The following DCDC2C variants were observed in gnomAD, a reference collection of about 807,000 sequenced individuals.
The protein encoded by DCDC2C is doublecortin domain containing 2C.
Under a neutral mutation model 45.0 loss-of-function variants are expected in DCDC2C, and 44 were observed. The observed-to-expected ratio is 0.98, with a 90% CI of 0.77 to 1.26. The LOEUF is 1.26. DCDC2C is among the 50% of genes most tolerant of loss of function. The pLI is 0.00. For synonymous variants in DCDC2C, 187 were observed against 178.8 expected (o/e 1.05, Z -0.37); for missense variants, 447 against 468.9 (o/e 0.95, Z 0.43).
intron 2 of DCDC2C, among the ~76,000 whole-genome samples, chr2:3,721,607 T>C (rs2148062863): frequency 6.6e-6 from 1 of 152,290 alleles, no homozygotes; most frequent in East Asian, 1.9e-4. Context: ...TTTTGCTATG[T>C]CCCCACCCAA....
At chr2:3,800,971 C>G (rs918873367) in intron 10 of DCDC2C, among the ~76,000 whole-genome samples, 6 of 152,170 alleles carry the variant, frequency 3.9e-5, no homozygotes, top group African/African-American at 1.2e-4. Flanking sequence ...TTTGACCTCA[C>G]TGACCCCTGG....
At chr2:3,771,108 C>A (rs376998464) in intron 8 of DCDC2C, among the ~76,000 whole-genome samples, 1 of 152,228 alleles carries the variant, frequency 6.6e-6, no homozygotes. Flanking sequence ...GATAGGAAGA[C>A]CCCCTGAGGG....
At chr2:3,781,020 T>C (rs1053738125) in intron 9 of DCDC2C, among the ~76,000 whole-genome samples, 1 of 152,238 alleles carries the variant, frequency 6.6e-6, no homozygotes, top group African/African-American at 2.4e-5. Flanking sequence ...GTGGCTCAAG[T>C]GTTTCAGTTC....
intron 9 of DCDC2C, among the ~76,000 whole-genome samples, chr2:3,782,249 G>T (rs1369985742): frequency 6.6e-6 from 1 of 152,050 alleles, no homozygotes; most frequent in Non-Finnish European, 1.5e-5. Flanking sequence ...CACAGCTCAG[G>T]GTGCATTCAT....
At chr2:3,722,342 G>A (rs1668524862) in intron 2 of DCDC2C, among the ~76,000 whole-genome samples, 1 of 152,214 alleles carries the variant, frequency 6.6e-6, no homozygotes, top group African/African-American at 2.4e-5. Flanking sequence ...CTTAATAGCT[G>A]TATGTTGTTG....
intron 2 of DCDC2C, among the ~76,000 whole-genome samples, chr2:3,715,004 A>C (rs998767086): frequency 6.6e-6 from 1 of 152,254 alleles, no homozygotes; most frequent in African/African-American, 2.4e-5. Context: ...TCATAATCCT[A>C]TCATTCAGAG....
At chr2:3,755,825 T>A (rs1202458734) in intron 6 of DCDC2C, among the ~76,000 whole-genome samples, 1 of 152,112 alleles carries the variant, frequency 6.6e-6, no homozygotes, top group South Asian at 2.1e-4. Flanking sequence ...CATGTGTGCA[T>A]GAGTACATAT....
At chr2:3,720,056 A>G (rs561469686) in intron 2 of DCDC2C, among the ~76,000 whole-genome samples, 86 of 152,110 alleles carry the variant, frequency 5.7e-4, no homozygotes, top group Non-Finnish European at 9.9e-4. Flanking sequence ...CACCTGAAGG[A>G]TGGTGGGCTC....
chr2:3,762,220 A>G (rs549281528), intron 6 of DCDC2C, among the ~76,000 whole-genome samples: 1 of 144,028 alleles, frequency 6.9e-6, no homozygotes, highest in South Asian at 2.2e-4. Context: ...GACAAAAGCC[A>G]CCTGGAGTGC....
chr2:3,768,973 G>A (rs1670087828), intron 7 of DCDC2C: 3 of 215,218 alleles, frequency 1.4e-5, no homozygotes, highest in African/African-American at 6.7e-5. Context: ...CCAAGGCTTG[G>A]TGGACACAGG....
Position 3,804,873 on chromosome 2 carries a change from T to C in DCDC2C, c.1065+19773T>C, listed in dbSNP as rs1395937803. Among the ~76,000 whole-genome samples, 3 of 152,350 alleles carry C rather than the reference T, an allele frequency of 2.0e-5. No homozygotes were observed. In the East Asian group the frequency reaches 5.8e-4, roughly 29 times the overall value. ...GCGGATTGAGGAAAAGTGCACCTTC[T>C]ATTGAATTATTGGTGCCATTTCCTT... On this transcript the variant is annotated intron_variant, in intron 10 of 10. Coordinates refer to ENST00000399143, the MANE Select transcript of DCDC2C (RefSeq NM_001287444.2).
intron 10 of DCDC2C, among the ~76,000 whole-genome samples, chr2:3,837,927 T>G (rs1283504415): frequency 6.6e-6 from 1 of 152,082 alleles, no homozygotes; most frequent in East Asian, 1.9e-4. Context: ...GTAGGGCCTG[T>G]GGACGTCTTT....
chr2:3,744,810 G>A (rs1669314600), intron 4 of DCDC2C, among the ~76,000 whole-genome samples: 1 of 152,156 alleles, frequency 6.6e-6, no homozygotes, highest in South Asian at 2.1e-4. Flanking sequence ...CAGTGGCGAC[G>A]AGCAGGTGGA....
intron 3 of DCDC2C, among the ~76,000 whole-genome samples, chr2:3,735,636 T>C (rs1256090068): frequency 2.0e-5 from 3 of 152,130 alleles, no homozygotes; most frequent in African/African-American, 7.2e-5. Context: ...GGCATAACGG[T>C]CCAGGAATAT....
chr2:3,764,129 T>G (rs922396704), intron 6 of DCDC2C, among the ~76,000 whole-genome samples: 3 of 152,216 alleles, frequency 2.0e-5, no homozygotes, highest in African/African-American at 7.2e-5. Context: ...TATATGCAAC[T>G]AGAAAGATGT....
At chr2:3,712,367 G>A (rs554691087) in intron 2 of DCDC2C, among the ~76,000 whole-genome samples, 18 of 151,636 alleles carry the variant, frequency 1.2e-4, no homozygotes, top group South Asian at 4.2e-4. Context: ...AATACCTAAC[G>A]AACTAAAAGA....
At chr2:3,835,696 T>C (rs980598213) in intron 10 of DCDC2C, among the ~76,000 whole-genome samples, 5 of 152,350 alleles carry the variant, frequency 3.3e-5, no homozygotes, top group African/African-American at 1.2e-4. Context: ...AGGTCATTGA[T>C]TTGAGGCCTT....
rs1039793449 is a variant in DCDC2C at position 3,847,662 on chromosome 2, T to A, written c.*479T>A. On this transcript the variant is annotated 3_prime_UTR_variant, in exon 11 of 11. Transcript: ENST00000399143. ...AAGTGAAAAGGAAAAAAATCCAGGG[T>A]TCGCTGGTGACATGGTTTGGCTGTA... 2.0e-5 allele frequency among the ~76,000 whole-genome samples: 3 copies of A among 152,116 alleles called. No individual in the cohort carries two copies. Among genetic ancestry groups the A allele is most frequent in the Non-Finnish European group, 4.4e-5 (3 of 68,000 alleles).
intron 10 of DCDC2C, 59 bp downstream of exon 10, chr2:3,785,159 CAA>C (rs1670616613): frequency 1.7e-6 from 2 of 1,185,898 alleles, no homozygotes; most frequent in Admixed American, 4.2e-5. Flanking sequence ...ACAGACCTAA[CAA>C]GAGAATCCAC....
Sources: gnomAD v4.1 joint callset for allele counts (sites outside exome capture counted in the v4.1 genomes callset) on GRCh38, gnomAD v4.1.1 for gene constraint, MANE v1.5 for transcripts, NCBI Gene and HGNC (gene_info 2026-07-23, HGNC 2026-07-21) for gene names.